Variants in RPS6KA3 observed in about 807,000 individuals in gnomAD.
RPS6KA3 encodes ribosomal protein S6 kinase A3, also known as ribosomal protein S6 kinase alpha-3.
In RPS6KA3, 4 loss-of-function variants were observed where a neutral mutation model predicts 67.2. The ratio of observed to expected loss-of-function variants is 0.06; its 90% CI spans 0.03 to 0.14. The LOEUF (loss-of-function observed/expected upper bound fraction) is 0.14. Ranked by LOEUF, RPS6KA3 falls within the 10% of genes least tolerant of loss-of-function variation. The probability of loss-of-function intolerance (pLI) is 1.00; values close to 1 mark genes in which losing one functional copy is unlikely to be tolerated. For synonymous variants in RPS6KA3, 182 were observed against 183.7 expected (o/e 0.99, Z 0.07); for missense variants, 204 against 559.0 (o/e 0.36, Z 6.40).
chrX:20,251,484 G>A (rs991195275), intron 1 of RPS6KA3, among the ~76,000 whole-genome samples: 1 of 112,959 alleles, frequency 8.9e-6, no homozygotes, highest in African/African-American at 3.2e-5. Flanking sequence ...GATTATAGGC[G>A]TAAGCCACTG....
At chrX:20,253,839 T>C (rs1449580204) in intron 1 of RPS6KA3, among the ~76,000 whole-genome samples, 1 of 108,476 alleles carries the variant, frequency 9.2e-6, no homozygotes, top group African/African-American at 3.3e-5. Context: ...ACTTTAATGT[T>C]CCAAAAGAAA....
At chrX:20,165,119 C>A in intron 17 of RPS6KA3, 59 bp from the exon 18 acceptor site, 3 of 936,888 alleles carry the variant, frequency 3.2e-6, no homozygotes, top group South Asian at 2.0e-5. Flanking sequence ...ACTGAAAGTT[C>A]TTTATTCACA....
intron 10 of RPS6KA3, among the ~76,000 whole-genome samples, chrX:20,184,824 T>C (rs1157828680): frequency 8.9e-6 from 1 of 112,308 alleles, no homozygotes; most frequent in Non-Finnish European, 1.9e-5. Context: ...TTTTGGTCTT[T>C]TAAAATTTCT....
intron 20 of RPS6KA3, among the ~76,000 whole-genome samples, chrX:20,158,378 A>C: frequency 9.8e-6 from 1 of 102,085 alleles, no homozygotes; most frequent in East Asian, 2.9e-4. Flanking sequence ...AAAAAAAAAA[A>C]AAAAAAAAAA....
chrX:20,266,467 A>G, intron 1 of RPS6KA3, 97 bp downstream of exon 1: 1 of 711,475 alleles, frequency 1.4e-6, no homozygotes. Context: ...CGCGAGCGGG[A>G]TCAGAACGGG....
intron 20 of RPS6KA3, among the ~76,000 whole-genome samples, chrX:20,160,178 T>C (rs1176664907): frequency 8.9e-6 from 1 of 112,318 alleles, no homozygotes; most frequent in Non-Finnish European, 1.9e-5. Flanking sequence ...GCACAGAAAC[T>C]GTACCACTGT....
intron 15 of RPS6KA3, among the ~76,000 whole-genome samples, chrX:20,171,023 C>T (rs968165546): frequency 8.9e-5 from 10 of 111,875 alleles, no homozygotes; most frequent in African/African-American, 3.2e-4. Flanking sequence ...AAGCAATCCT[C>T]CCACCTCGGC....
rs1337849771 is a variant in RPS6KA3, at chrX:20,163,156, C to T, written c.1765-116G>A. 5 of 523,995 alleles carry T rather than the reference C, an allele frequency of 9.5e-6. No homozygotes were observed. In the African/African-American group the frequency reaches 1.2e-4, roughly 12 times the overall value. 43.2% of individuals were successfully genotyped at this position (523,995 alleles called of 1,213,427 possible). ...ACCTATAAGGAAAATTTCAACAGAACATGGTTACCAAATAAGGCAATACGT... is the reference window on the plus strand; with the variant it reads ...ACCTATAAGGAAAATTTCAACAGAATATGGTTACCAAATAAGGCAATACGT... On this transcript the variant is annotated intron_variant, in intron 18 of 21. Coordinates refer to ENST00000379565, the MANE Select transcript of RPS6KA3 (RefSeq NM_004586.3).
intron 1 of RPS6KA3, among the ~76,000 whole-genome samples, chrX:20,246,201 C>A (rs1165988397): frequency 9.2e-6 from 1 of 109,121 alleles, no homozygotes; most frequent in African/African-American, 3.3e-5. Flanking sequence ...AGTTTCAAAG[C>A]CTGGCTTTGT....
intron 4 of RPS6KA3, among the ~76,000 whole-genome samples, chrX:20,199,942 T>C (rs888497322): frequency 4.1e-4 from 46 of 112,123 alleles, no homozygotes; most frequent in African/African-American, 1.4e-3. Flanking sequence ...TGACAGGCGG[T>C]AGAATAAAGC....
In RPS6KA3 at chrX:20,203,559, G is replaced by A. The variant is rs146917594; in HGVS notation, c.325+463C>T. 321 of 115,617 alleles carry A rather than the reference G, an allele frequency of 2.8e-3. 2 individuals are homozygous for A. Among genetic ancestry groups the A allele is most frequent in the African/African-American group, 9.2e-3 (280 of 30,452 alleles). 9.5% of individuals were successfully genotyped at this position (115,617 alleles called of 1,213,427 possible). A position where few individuals can be genotyped will look rare whatever the true frequency, so the allele number is the denominator to read the frequency against. ...ATTACAGGTGTGAGCCACCACGCCC[G>A]GCCTCTTCTTAACTACTTTTTACCT... On this transcript the variant is annotated intron_variant, in intron 4 of 21. Transcript: ENST00000379565.
chrX:20,169,195 T>C (rs1465684122), intron 16 of RPS6KA3, among the ~76,000 whole-genome samples: 1 of 112,006 alleles, frequency 8.9e-6, no homozygotes, highest in African/African-American at 3.2e-5. Context: ...GATGGAGATC[T>C]CACTGTGTTG....
At chrX:20,244,530 AATT>A (rs2147025520) in intron 1 of RPS6KA3, among the ~76,000 whole-genome samples, 1 of 112,553 alleles carries the variant, frequency 8.9e-6, no homozygotes, top group African/African-American at 3.2e-5. Flanking sequence ...CCCAATTAAT[AATT>A]AAAAATCATC....
In RPS6KA3 at chrX:20,172,729, A is replaced by C; in HGVS notation, c.1353+17T>G. 8.6e-7 allele frequency: 1 copy of C among 1,164,540 alleles called. No homozygotes were observed. The highest frequency in any genetic ancestry group is 2.4e-4 in the Middle Eastern group (1 of 4,092). ...ACAAGAACTGTATGAATTGCATTTTAAATAAAAAAAATTTACCTTCACTGC... is the reference window on the plus strand; with the variant it reads ...ACAAGAACTGTATGAATTGCATTTTCAATAAAAAAAATTTACCTTCACTGC... On this transcript the variant is annotated intron_variant, in intron 15 of 21. Coordinates refer to ENST00000379565, the MANE Select transcript of RPS6KA3 (RefSeq NM_004586.3).
At chrX:20,194,963 C>T in intron 5 of RPS6KA3, 102 bp downstream of exon 5, 2 of 499,225 alleles carry the variant, frequency 4.0e-6, no homozygotes, top group South Asian at 3.2e-5. Flanking sequence ...GATCTGCTAA[C>T]CACATACAAA....
chrX:20,208,378 T>C (rs1487658677), intron 3 of RPS6KA3, among the ~76,000 whole-genome samples: 1 of 110,860 alleles, frequency 9.0e-6, no homozygotes, highest in Non-Finnish European at 1.9e-5. Context: ...AGTGTGTATG[T>C]ATGTGGTGGG....
At chrX:20,243,193 T>C (rs961416832) in intron 1 of RPS6KA3, among the ~76,000 whole-genome samples, 1 of 111,742 alleles carries the variant, frequency 8.9e-6, no homozygotes, top group Non-Finnish European at 1.9e-5. Context: ...GTAAAAATGA[T>C]TGCTATCATT....
chrX:20,190,238 T>C (rs928228245), intron 7 of RPS6KA3, among the ~76,000 whole-genome samples: 2 of 111,961 alleles, frequency 1.8e-5, no homozygotes, highest in African/African-American at 6.5e-5. Flanking sequence ...TTTCAATGGT[T>C]ACTAATTTTT....
At chrX:20,190,532 C>T (rs2068094617) in intron 7 of RPS6KA3, among the ~76,000 whole-genome samples, 1 of 111,669 alleles carries the variant, frequency 9.0e-6, no homozygotes, top group African/African-American at 3.2e-5. Context: ...ATACAATGGT[C>T]TATGGTAAAT....
Sources: allele counts gnomAD v4.1 joint callset (sites outside exome capture counted in the v4.1 genomes callset), GRCh38; gene constraint gnomAD v4.1.1; transcripts MANE v1.5; gene names NCBI Gene and HGNC (gene_info 2026-07-23, HGNC 2026-07-21).